The following CTNNA3 variants were observed in gnomAD, a reference collection of about 807,000 sequenced individuals.
CTNNA3 encodes catenin alpha-3.
A neutral mutation model predicts 95.7 loss-of-function variants in CTNNA3; 76 were observed. The observed-to-expected ratio is 0.79, with a 90% CI of 0.66 to 0.96. The LOEUF (loss-of-function observed/expected upper bound fraction) is 0.96, where lower values mean the gene tolerates loss of function less well. CTNNA3 is among the 40% of genes least tolerant of loss of function. The pLI, the probability that CTNNA3 is intolerant of heterozygous loss-of-function variation, is 0.00. For synonymous variants in CTNNA3, 431 were observed against 374.4 expected, an observed-to-expected ratio of 1.15 and a Z score of -1.74; for missense variants, 1,191 against 1,089.8, an observed-to-expected ratio of 1.09 and a Z score of -1.31.
intron 12 of CTNNA3, among the ~76,000 whole-genome samples, chr10:66,295,046 T>A (rs79440697): frequency 0.02 from 3,025 of 152,318 alleles, 108 homozygotes; most frequent in African/African-American, 0.068. Flanking sequence ...GTGTCTCTGT[T>A]GATAGCTTCA....
At chr10:66,357,993 G>A (rs1181946008) in intron 12 of CTNNA3, among the ~76,000 whole-genome samples, 1 of 152,108 alleles carries the variant, frequency 6.6e-6, no homozygotes, top group Non-Finnish European at 1.5e-5. Context: ...TGTCCTTCAA[G>A]CACTTGGTTC....
chr10:66,163,228 C>A (rs2084942043), intron 13 of CTNNA3, among the ~76,000 whole-genome samples: 2 of 152,128 alleles, frequency 1.3e-5, no homozygotes, highest in Admixed American at 1.3e-4. Context: ...GGCCAGGAGG[C>A]TTCTCACCCT....
chr10:67,363,183 C>T (rs1009194171), intron 5 of CTNNA3, among the ~76,000 whole-genome samples: 36 of 151,270 alleles, frequency 2.4e-4, no homozygotes, highest in African/African-American at 8.7e-4. Flanking sequence ...ACTAAAATGG[C>T]CATATTGCCC....
At chr10:66,805,576 G>A (rs2132247100) in intron 7 of CTNNA3, among the ~76,000 whole-genome samples, 1 of 150,418 alleles carries the variant, frequency 6.6e-6, no homozygotes, top group East Asian at 2.0e-4. Context: ...GTAATTTATG[G>A]GGGGGAGAAA....
chr10:66,507,906 A>T (rs1169487970), intron 11 of CTNNA3, among the ~76,000 whole-genome samples: 2 of 151,774 alleles, frequency 1.3e-5, no homozygotes, highest in Non-Finnish European at 1.5e-5. Flanking sequence ...CTCTGTTTTT[A>T]GCATTTTGAG....
At chr10:66,737,899 T>C (rs933408196) in intron 9 of CTNNA3, among the ~76,000 whole-genome samples, 1 of 152,166 alleles carries the variant, frequency 6.6e-6, no homozygotes, top group African/African-American at 2.4e-5. Context: ...CCTTGTGATC[T>C]GCCCGCCTTG....
intron 7 of CTNNA3, among the ~76,000 whole-genome samples, chr10:67,158,973 TA>T (rs756151669): frequency 1.3e-5 from 2 of 151,796 alleles, no homozygotes; most frequent in Admixed American, 1.3e-4. Context: ...TACCTGTTTT[TA>T]AAAAAAACAA....
intron 9 of CTNNA3, among the ~76,000 whole-genome samples, chr10:66,659,711 C>T (rs1846193701): frequency 6.6e-6 from 1 of 152,126 alleles, no homozygotes. Context: ...GCATGTTTAT[C>T]TCTTCTGCCA....
intron 7 of CTNNA3, among the ~76,000 whole-genome samples, chr10:67,112,726 T>C (rs1249365033): frequency 1.3e-5 from 2 of 152,128 alleles, no homozygotes; most frequent in African/African-American, 4.8e-5. Flanking sequence ...ACAATTTGTA[T>C]GTTTTGCTGC....
intron 5 of CTNNA3, among the ~76,000 whole-genome samples, chr10:67,379,120 T>C (rs1434855640): frequency 6.6e-6 from 1 of 152,232 alleles, no homozygotes; most frequent in Admixed American, 6.5e-5. Context: ...AAATACTACA[T>C]ATGTCTTAAA....
intron 11 of CTNNA3, among the ~76,000 whole-genome samples, chr10:66,471,395 A>C (rs1159369464): frequency 2.0e-5 from 3 of 151,758 alleles, no homozygotes; most frequent in Admixed American, 2.0e-4. Context: ...TTTCTAACTT[A>C]AATTTAAGTT....
chr10:67,729,928 T>C (rs931284914), intron 1 of CTNNA3, among the ~76,000 whole-genome samples: 25 of 152,164 alleles, frequency 1.6e-4, no homozygotes, highest in South Asian at 6.2e-4. Context: ...TTTCACAACT[T>C]TCAAAACTTT....
intron 1 of CTNNA3, among the ~76,000 whole-genome samples, chr10:67,664,818 T>C (rs1414571261): frequency 1.3e-5 from 2 of 152,208 alleles, no homozygotes; most frequent in African/African-American, 2.4e-5. Context: ...TTAGCTATGC[T>C]CTACCGTATT....
chr10:66,287,579 A>T (rs1461009439), intron 12 of CTNNA3, among the ~76,000 whole-genome samples: 1 of 152,114 alleles, frequency 6.6e-6, no homozygotes, highest in East Asian at 1.9e-4. Flanking sequence ...GATAAAGAGA[A>T]GAGCTACATC....
chr10:67,135,971 C>T (rs1860287925), intron 7 of CTNNA3, among the ~76,000 whole-genome samples: 1 of 152,150 alleles, frequency 6.6e-6, no homozygotes, highest in African/African-American at 2.4e-5. Flanking sequence ...TTTTAAAGTT[C>T]ACATAATGGT....
chr10:66,358,823 T>A (rs1469776244), intron 12 of CTNNA3, among the ~76,000 whole-genome samples: 1 of 152,202 alleles, frequency 6.6e-6, no homozygotes, highest in Admixed American at 6.5e-5. Context: ...TTAAATAATG[T>A]TTAGATTCCT....
chr10:66,625,065 A>C (rs147692186), intron 9 of CTNNA3, among the ~76,000 whole-genome samples: 240 of 152,324 alleles, frequency 1.6e-3, no homozygotes, highest in Non-Finnish European at 2.9e-3. Flanking sequence ...TGAAAGATTA[A>C]ATTACATCCT....
intron 5 of CTNNA3, among the ~76,000 whole-genome samples, chr10:67,439,863 A>G (rs955681740): frequency 6.6e-6 from 1 of 152,162 alleles, no homozygotes; most frequent in Non-Finnish European, 1.5e-5. Context: ...CCTTGGGTGA[A>G]ACTCTGAGAC....
At chr10:67,491,229 G>A (rs941157404) in intron 5 of CTNNA3, among the ~76,000 whole-genome samples, 1 of 152,072 alleles carries the variant, frequency 6.6e-6, no homozygotes, top group Non-Finnish European at 1.5e-5. Context: ...ATAGAAATAA[G>A]AATATAGATA....
Sources: allele counts gnomAD v4.1 joint callset (sites outside exome capture counted in the v4.1 genomes callset), GRCh38; gene constraint gnomAD v4.1.1; transcripts MANE v1.5; gene names NCBI Gene and HGNC (gene_info 2026-07-23, HGNC 2026-07-21).